Variants in FGFR2 observed in about 807,000 individuals in gnomAD.
FGFR2 encodes BEK fibroblast growth factor receptor.
FGFR2 carries 19 observed loss-of-function variants against 95.9 expected under a neutral mutation model. The ratio of observed to expected loss-of-function variants is 0.20; its 90% confidence interval spans 0.14 to 0.29. The LOEUF is 0.29. Ranked by LOEUF, FGFR2 falls within the 10% of genes least tolerant of loss-of-function variation. The pLI is 1.00. For missense variants in FGFR2, 707 were observed against 1,056.9 expected (o/e 0.67, Z 4.59); for synonymous variants, 392 against 393.3 (o/e 1.00, Z 0.04).
chr10:121,496,452 A>G, intron 13 of FGFR2, 80 bp downstream of exon 13: 1 of 1,314,708 alleles, frequency 7.6e-7, no homozygotes, highest in Non-Finnish European at 1.1e-6. Context: ...CTAGCAAATG[A>G]GCATGTCCAA....
chr10:121,572,879 T>G (rs2135238773), intron 2 of FGFR2, among the ~76,000 whole-genome samples: 1 of 152,274 alleles, frequency 6.6e-6, no homozygotes, highest in East Asian at 1.9e-4. Context: ...TACCTCTCTA[T>G]AAGTAAACAG....
At chr10:121,529,243 G>C (rs912301581) in intron 6 of FGFR2, among the ~76,000 whole-genome samples, 7 of 152,118 alleles carry the variant, frequency 4.6e-5, no homozygotes, top group African/African-American at 1.7e-4. Flanking sequence ...CGAGTAGCTG[G>C]GATTACAGGC....
chr10:121,534,348 C>T (rs1852520632), intron 6 of FGFR2, among the ~76,000 whole-genome samples: 1 of 151,830 alleles, frequency 6.6e-6, no homozygotes, highest in African/African-American at 2.4e-5. Context: ...CTGCCTGCCT[C>T]GGCCTCCCAA....
chr10:121,502,413 C>G (rs1312030080), intron 10 of FGFR2, among the ~76,000 whole-genome samples: 1 of 152,156 alleles, frequency 6.6e-6, no homozygotes, highest in Non-Finnish European at 1.5e-5. Flanking sequence ...GTATACAAAT[C>G]AACTGGAAAT....
At chr10:121,512,789 G>A (rs926257619) in intron 9 of FGFR2, among the ~76,000 whole-genome samples, 2 of 152,104 alleles carry the variant, frequency 1.3e-5, no homozygotes, top group Admixed American at 6.5e-5. Flanking sequence ...AAGGAAGGAG[G>A]GAAGAAAAAG....
intron 2 of FGFR2, among the ~76,000 whole-genome samples, chr10:121,569,366 G>A (rs1393665517): frequency 1.3e-5 from 2 of 151,894 alleles, no homozygotes; most frequent in Non-Finnish European, 2.9e-5. Context: ...GATTACAGGC[G>A]TGCACCACCA....
At chr10:121,563,972 T>C (rs556950396) in intron 4 of FGFR2, among the ~76,000 whole-genome samples, 44 of 152,338 alleles carry the variant, frequency 2.9e-4, no homozygotes, top group African/African-American at 7.9e-4. Context: ...CTAGGGATGA[T>C]TGACATCTTG....
chr10:121,506,394 C>A (rs566018972), intron 9 of FGFR2, among the ~76,000 whole-genome samples: 1 of 146,692 alleles, frequency 6.8e-6, no homozygotes, highest in Admixed American at 6.8e-5. Flanking sequence ...AGCAATGGGA[C>A]GACTTCCGCA....
intron 3 of FGFR2, among the ~76,000 whole-genome samples, chr10:121,564,869 C>T (rs866395989): frequency 6.6e-6 from 1 of 152,176 alleles, no homozygotes; most frequent in African/African-American, 2.4e-5. Context: ...ATTCAAGCCC[C>T]TGACAAATTT....
At chr10:121,532,220 C>T (rs1852173658) in intron 6 of FGFR2, among the ~76,000 whole-genome samples, 1 of 152,202 alleles carries the variant, frequency 6.6e-6, no homozygotes, top group East Asian at 1.9e-4. Flanking sequence ...CCCCACAGGG[C>T]TCTACGGAGC....
intron 13 of FGFR2, among the ~76,000 whole-genome samples, chr10:121,488,822 T>C (rs1465613760): frequency 6.6e-6 from 1 of 152,212 alleles, no homozygotes; most frequent in African/African-American, 2.4e-5. Context: ...CTTGCTCTCC[T>C]GCCCTTTAAA....
intron 2 of FGFR2, among the ~76,000 whole-genome samples, chr10:121,570,478 G>C (rs754079811): frequency 6.6e-6 from 1 of 152,242 alleles, no homozygotes; most frequent in African/African-American, 2.4e-5. Flanking sequence ...CTCTGTGAAA[G>C]AGCAAAGAAT....
intron 6 of FGFR2, among the ~76,000 whole-genome samples, chr10:121,537,522 T>C (rs1028287010): frequency 1.3e-5 from 2 of 152,200 alleles, no homozygotes; most frequent in African/African-American, 2.4e-5. Context: ...AGATGTTTTA[T>C]TGAAGGAGAC....
chr10:121,509,485 T>TTC (rs1848758198), intron 9 of FGFR2, among the ~76,000 whole-genome samples: 1 of 90,202 alleles, frequency 1.1e-5, no homozygotes, highest in African/African-American at 4.8e-5. Flanking sequence ...TTCTTTTCTT[T>TTC]TTTTTTTTTT....
intron 2 of FGFR2, among the ~76,000 whole-genome samples, chr10:121,592,172 G>A (rs1474068474): frequency 1.3e-5 from 2 of 152,136 alleles, no homozygotes; most frequent in African/African-American, 4.8e-5. Context: ...ACGCACTCAA[G>A]GGAAAACCAG....
In FGFR2 at chr10:121,564,525, A is replaced by G; in HGVS notation, c.431T>C (p.Val144Ala). ...ACTCTTGTTGTTACTGTTCTCACTGACAAAATCTTCCGCACCATCGGTGTC... is the reference window on the plus strand; with the variant it reads ...ACTCTTGTTGTTACTGTTCTCACTGGCAAAATCTTCCGCACCATCGGTGTC... The part of the protein sequence containing the change: ...EDDTDGAEDF[V>A]SENSNNKRAP... Residue 144 changes from valine (V) to alanine (A), a missense_variant, in exon 4 of 18, where the codon GTC becomes GCC. Physicochemically the swap from Val to Ala is moderately conservative, Grantham distance 64. Coordinates refer to ENST00000358487, the MANE Select transcript of FGFR2 (RefSeq NM_000141.5). The G allele has an allele frequency of 6.2e-7, 1 of 1,614,046 alleles. No homozygotes were observed. Among genetic ancestry groups the G allele is most frequent in the Non-Finnish European group, 8.5e-7 (1 of 1,180,002 alleles).
rs1413663884 is a variant in FGFR2, at chr10:121,485,021, G to A, written c.2195+374C>T. ...ATCCTACACCCTGCAGGGCGGCCCC[G>A]CGGCTTTCTAGCTTGTTTCCTGACC... On this transcript the variant is annotated intron_variant, in intron 16 of 17. Coordinates refer to ENST00000358487, the MANE Select transcript of FGFR2 (RefSeq NM_000141.5). The surrounding 1 kb of genome is among the most constrained non-coding windows in gnomAD (Gnocchi z 4.2). Among the ~76,000 whole-genome samples the A allele has an allele frequency of 6.6e-6, 1 of 152,126 alleles. No individual in the cohort carries two copies. The highest frequency in any genetic ancestry group is 1.5e-5 in the Non-Finnish European group (1 of 68,024).
chr10:121,594,874 C>G (rs888742046), intron 1 of FGFR2, among the ~76,000 whole-genome samples: 6 of 152,210 alleles, frequency 3.9e-5, no homozygotes, highest in Non-Finnish European at 7.3e-5. Flanking sequence ...TTTCCATATG[C>G]AAACCTACTG....
At chr10:121,509,802 T>G (rs74497011) in intron 9 of FGFR2, among the ~76,000 whole-genome samples, 2,424 of 151,930 alleles carry the variant, frequency 0.016, 71 homozygotes, top group African/African-American at 0.055. Context: ...TATCTCTTTA[T>G]ACTGAATTAA....
Sources: gnomAD v4.1 joint callset for allele counts (sites outside exome capture counted in the v4.1 genomes callset) on GRCh38, gnomAD v4.1.1 for gene constraint, Gnocchi (gnomAD v3.1) non-coding constraint, MANE v1.5 for transcripts, NCBI Gene and HGNC (gene_info 2026-07-23, HGNC 2026-07-21) for gene names.